Variants in MS4A18 observed in about 807,000 individuals in gnomAD.
MS4A18 encodes membrane-spanning 4-domains subfamily A member 18.
In MS4A18, 27 loss-of-function variants were observed where a neutral mutation model predicts 13.1. The ratio of observed to expected loss-of-function variants is 2.06; its 90% CI spans 1.52 to 2.84. The LOEUF is 2.84. Among genes scored for constraint, MS4A18 ranks in the 30% most tolerant of loss-of-function variants. MS4A18 has a pLI of 0.00. For missense variants in MS4A18, 307 were observed against 196.4 expected (o/e 1.56, Z -3.37); for synonymous variants, 126 against 76.5 (o/e 1.65, Z -3.38).
At chr11:60,732,999 T>C (rs563916519) in intron 1 of MS4A18, among the ~76,000 whole-genome samples, 18 of 152,370 alleles carry the variant, frequency 1.2e-4, no homozygotes, top group African/African-American at 3.8e-4. Flanking sequence ...TCATCTATTT[T>C]GGAAAAATCA....
chr11:60,740,741 A>G (rs1441560944), intron 4 of MS4A18, among the ~76,000 whole-genome samples: 2 of 152,174 alleles, frequency 1.3e-5, no homozygotes, highest in African/African-American at 4.8e-5. Flanking sequence ...CTCAAGAGGC[A>G]CTCATTTCCT....
At chr11:60,726,408 G>T (rs1400741830), upstream of MS4A18, among the ~76,000 whole-genome samples, 2 of 152,234 alleles carry the variant, frequency 1.3e-5, no homozygotes, top group African/African-American at 4.8e-5. Flanking sequence ...GGAAAAAGAA[G>T]TGAAACCACA....
intron 2 of MS4A18, among the ~76,000 whole-genome samples, 158 bp from the exon 4 acceptor site, chr11:60,736,820 T>C (rs1350213504): frequency 6.6e-6 from 1 of 152,174 alleles, no homozygotes; most frequent in Non-Finnish European, 1.5e-5. Flanking sequence ...ACCATTGGGA[T>C]AGTAAAAATG....
At chr11:60,740,824 G>C (rs1853403245) in intron 4 of MS4A18, among the ~76,000 whole-genome samples, 1 of 152,196 alleles carries the variant, frequency 6.6e-6, no homozygotes, top group Admixed American at 6.5e-5. Context: ...AAGGAATGCA[G>C]GTGCTGGCAG....
intron 5 of MS4A18, among the ~76,000 whole-genome samples, chr11:60,743,229 C>T (rs1258527174): frequency 1.3e-5 from 2 of 152,226 alleles, no homozygotes; most frequent in Non-Finnish European, 2.9e-5. Context: ...GCTCCTGATT[C>T]CCTGGGTCTG....
In MS4A18 at chr11:60,743,663, T is replaced by C. The variant is rs1270073354; in HGVS notation, c.872T>C (p.Ile291Thr). The C allele has an allele frequency of 7.1e-6, 5 of 702,788 alleles. No individual in the cohort carries two copies. In the South Asian group the frequency reaches 7.4e-5, roughly 10 times the overall value. The allele number at this position is 702,788 out of a possible 1,614,324, so 43.5% of individuals were successfully genotyped here. A position where few individuals can be genotyped will look rare whatever the true frequency, so the allele number is the denominator to read the frequency against. Reference sequence around the variant, plus strand: ...TTTGTCTTTCAGAATGTGGCAGTGATTCCAACCGTATTCAGTTTCAACCCA... The same window carrying C: ...TTTGTCTTTCAGAATGTGGCAGTGACTCCAACCGTATTCAGTTTCAACCCA... Residue 291 changes from isoleucine (I) to threonine (T), a missense_variant, in exon 6 of 6, where the codon ATT becomes ACT. By Grantham distance (89) the Ile-to-Thr change is moderately conservative. Coordinates refer to ENST00000529108, the Ensembl canonical transcript of MS4A18.
Position 60,738,890 on chromosome 11 carries a change from C to T in MS4A18, c.649-12C>T, listed in dbSNP as rs781693833. 33 of 703,098 alleles carry T rather than the reference C, an allele frequency of 4.7e-5. No individual in the cohort carries two copies. Among genetic ancestry groups the T allele is most frequent in the Non-Finnish European group, 2.1e-5 (8 of 384,998 alleles). 43.6% of individuals were successfully genotyped at this position (703,098 alleles called of 1,614,324 possible). On this transcript the variant is annotated splice_polypyrimidine_tract_variant and intron_variant, in intron 3 of 5. Transcript: ENST00000529108. Reference sequence around the variant, plus strand: ...ACTCGGCTCCCTCTCTCCTCTCCCTCCTCTCCTGCAGGTGAACAGCAGCAT... The same window carrying T: ...ACTCGGCTCCCTCTCTCCTCTCCCTTCTCTCCTGCAGGTGAACAGCAGCAT...
chr11:60,737,124 T>A (rs927811049), intron 3 of MS4A18, 90 bp downstream of exon 4: 3 of 696,344 alleles, frequency 4.3e-6, no homozygotes, highest in African/African-American at 1.8e-5. Context: ...AGTAGTGGTG[T>A]GGCCTGGCCC....
intron 4 of MS4A18, among the ~76,000 whole-genome samples, chr11:60,739,824 G>T (rs1853391663): frequency 6.6e-6 from 1 of 152,218 alleles, no homozygotes; most frequent in East Asian, 1.9e-4. Context: ...AGTACTTGAG[G>T]AGGCCTGAAG....
chr11:60,735,421 C>T (rs1390988230), intron 2 of MS4A18, among the ~76,000 whole-genome samples: 1 of 150,718 alleles, frequency 6.6e-6, no homozygotes, highest in African/African-American at 2.4e-5. Flanking sequence ...GCAAGCTCCG[C>T]CTCCCGGGTT....
chr11:60,729,652 G>A (rs1193385852), exon 1 of MS4A18: 1 of 702,762 alleles, frequency 1.4e-6, no homozygotes, highest in South Asian at 1.5e-5. Context: ...ATGGCCTGGA[G>A]ACCTTCAGAA....
chr11:60,729,575 GA>G lies in MS4A18; in HGVS notation c.262del (p.Thr88GlnfsTer10). 1 of 702,730 alleles carries G rather than the reference GA, an allele frequency of 1.4e-6. No individual in the cohort carries two copies. The highest frequency in any genetic ancestry group is 2.6e-6 in the Non-Finnish European group (1 of 384,828). 43.5% of individuals were successfully genotyped at this position (702,730 alleles called of 1,614,324 possible). ...GGGTATCAGCGACAGTATCCAGTGGGAACAGCCAGTTTGCAGACGGTGCCTG... is the reference window on the plus strand; with the variant it reads ...GGGTATCAGCGACAGTATCCAGTGGGACAGCCAGTTTGCAGACGGTGCCTG... On this transcript the variant is annotated frameshift_variant, in exon 1 of 6. Transcript: ENST00000529108. LOFTEE classifies it high-confidence loss of function.
At position 60,743,710 on chromosome 11, in the gene MS4A18, G is replaced by A. The variant is rs1053399250; in HGVS notation, c.919G>A (p.Val307Ile). The A allele has an allele frequency of 5.7e-6, 4 of 702,918 alleles. No homozygotes were observed. In the African/African-American group the frequency reaches 7.0e-5, roughly 12 times the overall value. 43.5% of individuals were successfully genotyped at this position (702,918 alleles called of 1,614,324 possible). A position where few individuals can be genotyped will look rare whatever the true frequency, so the allele number is the denominator to read the frequency against. The change falls in exon 6 of 6, where the codon GTC (valine) becomes ATC (isoleucine). Residue 307 changes from valine to isoleucine, a missense_variant. Val to Ile is a conservative substitution (Grantham distance 29, BLOSUM62 3). Coordinates refer to ENST00000529108, the Ensembl canonical transcript of MS4A18. ...CCCAGCCAATACCACCACCAGCCCT[G>A]TCAATGCTACCACTGGTCCTGTCAA...
intron 1 of MS4A18, 84 bp from the exon 3 acceptor site, chr11:60,733,450 G>C (rs1853285778): frequency 1.4e-6 from 1 of 696,776 alleles, no homozygotes; most frequent in South Asian, 1.5e-5. Context: ...GGTGATTCTG[G>C]GGCACAGCCA....
chr11:60,734,016 G>A (rs1853298292), intron 2 of MS4A18, among the ~76,000 whole-genome samples: 1 of 152,178 alleles, frequency 6.6e-6, no homozygotes, highest in African/African-American at 2.4e-5. Context: ...GGCCGAGGTA[G>A]GTGAATCACT....
intron 3 of MS4A18, among the ~76,000 whole-genome samples, chr11:60,738,239 G>A (rs749502213): frequency 4.6e-5 from 7 of 152,208 alleles, no homozygotes; most frequent in African/African-American, 7.2e-5. Context: ...TGAATAATTC[G>A]AGGACTTCAG....
chr11:60,737,919 T>C (rs903894815), intron 3 of MS4A18, among the ~76,000 whole-genome samples: 23 of 152,276 alleles, frequency 1.5e-4, no homozygotes, highest in African/African-American at 5.5e-4. Flanking sequence ...AGCAGAGTCC[T>C]CCAGACACCC....
intron 4 of MS4A18, among the ~76,000 whole-genome samples, chr11:60,740,441 C>A (rs1853398592): frequency 6.6e-6 from 1 of 152,164 alleles, no homozygotes; most frequent in Non-Finnish European, 1.5e-5. Flanking sequence ...CTGTCAAGGG[C>A]AGTATGAGGC....
exon 5 of MS4A18, chr11:60,741,085 T>C (rs1253647970): frequency 1.0e-5 from 7 of 703,042 alleles, no homozygotes; most frequent in Admixed American, 2.0e-5. Context: ...CTGGAGTTCA[T>C]CCTCACTTGT....
Sources: gnomAD v4.1 joint callset for allele counts (sites outside exome capture counted in the v4.1 genomes callset) on GRCh38, gnomAD v4.1.1 for gene constraint, MANE v1.5 for transcripts, NCBI Gene and HGNC (gene_info 2026-07-23, HGNC 2026-07-21) for gene names.